CELF2: variants seen among roughly 807,000 people sequenced by gnomAD.
CELF2 encodes CUGBP Elav-like family member 2.
In CELF2, 8 loss-of-function variants were observed where a neutral mutation model predicts 62.6. The ratio of observed to expected loss-of-function variants is 0.13; its 90% CI spans 0.07 to 0.23. CELF2 has a LOEUF of 0.23. Ranked by LOEUF, CELF2 falls within the 10% of genes least tolerant of loss-of-function variation. The pLI is 1.00. For synonymous variants in CELF2, 258 were observed against 250.0 expected, an observed-to-expected ratio of 1.03 and a Z score of -0.30; for missense variants, 333 against 671.0, an observed-to-expected ratio of 0.50 and a Z score of 5.56.
chr10:11,124,216 C>T (rs139008920), intron 1 of CELF2, among the ~76,000 whole-genome samples: 1 of 152,056 alleles, frequency 6.6e-6, no homozygotes, highest in Non-Finnish European at 1.5e-5. Flanking sequence ...GGGACACAGC[C>T]AAATCATATC....
chr10:10,841,962 C>T (rs1356251062), intron 1 of CELF2, among the ~76,000 whole-genome samples: 6 of 152,036 alleles, frequency 3.9e-5, no homozygotes, highest in Non-Finnish European at 7.4e-5. Flanking sequence ...TCTTTGATTT[C>T]TCTCATCAGT....
At chr10:10,775,764 T>A in the CELF2 span, among the ~76,000 whole-genome samples, 1 of 152,298 alleles carries the variant, frequency 6.6e-6, no homozygotes, top group South Asian at 2.1e-4. Context: ...TGATTTATGG[T>A]AATAAAAACA....
chr10:11,009,923 A>C (rs2056128399), intron 1 of CELF2, among the ~76,000 whole-genome samples: 1 of 151,648 alleles, frequency 6.6e-6, no homozygotes, highest in Non-Finnish European at 1.5e-5. Context: ...TCAGTAGAAA[A>C]CTCTGTGTTG....
the CELF2 span, among the ~76,000 whole-genome samples, chr10:10,488,870 G>A: frequency 6.6e-6 from 1 of 152,028 alleles, no homozygotes; most frequent in African/African-American, 2.4e-5. Flanking sequence ...GCAAGAAGGA[G>A]CTTGGGATCA....
At chr10:10,640,160 T>A in the CELF2 span, among the ~76,000 whole-genome samples, 1 of 152,248 alleles carries the variant, frequency 6.6e-6, no homozygotes, top group Non-Finnish European at 1.5e-5. Context: ...TATGTATATA[T>A]CTGTCTCACC....
intron 9 of CELF2, among the ~76,000 whole-genome samples, chr10:11,310,078 A>G (rs577984543): frequency 2.0e-5 from 3 of 152,282 alleles, no homozygotes; most frequent in African/African-American, 7.2e-5. Context: ...AGATGGAGTG[A>G]ATGGGACCCA....
At chr10:10,583,187 A>G in the CELF2 span, among the ~76,000 whole-genome samples, 2 of 152,194 alleles carry the variant, frequency 1.3e-5, no homozygotes, top group African/African-American at 4.8e-5. Flanking sequence ...CTCTAGAATC[A>G]CCAAACCAAG....
At chr10:10,979,147 C>T (rs186260403) in intron 2 of CELF2, among the ~76,000 whole-genome samples, 1 of 152,100 alleles carries the variant, frequency 6.6e-6, no homozygotes, top group Non-Finnish European at 1.5e-5. Context: ...AGCCCAAGAA[C>T]AAGGAAAGAG....
chr10:10,545,676 G>A, the CELF2 span, among the ~76,000 whole-genome samples: 9 of 151,800 alleles, frequency 5.9e-5, no homozygotes, highest in African/African-American at 2.2e-4. Context: ...GTACACACAC[G>A]CACACTAAAA....
intron 2 of CELF2, among the ~76,000 whole-genome samples, chr10:10,926,192 G>A (rs925961464): frequency 6.6e-6 from 1 of 152,138 alleles, no homozygotes; most frequent in African/African-American, 2.4e-5. Context: ...CAATTCATGT[G>A]CTGGAAACCT....
chr10:11,167,128 A>G (rs548200133), intron 2 of CELF2, among the ~76,000 whole-genome samples: 1 of 152,386 alleles, frequency 6.6e-6, no homozygotes, highest in African/African-American at 2.4e-5. Context: ...TTTAAACTTC[A>G]CAAATGAGCG....
the CELF2 span, among the ~76,000 whole-genome samples, chr10:10,572,329 G>T: frequency 7.0e-6 from 1 of 142,852 alleles, no homozygotes; most frequent in African/African-American, 2.5e-5. Flanking sequence ...TGTTCGGTTG[G>T]TTTTTTCTTT....
rs1212149924 is a variant in CELF2 at position 11,270,828 on chromosome 10, A to G, written c.777+4A>G. 7.2e-7 allele frequency: 1 copy of G among 1,380,034 alleles called. No individual in the cohort carries two copies. The highest frequency in any genetic ancestry group is 2.7e-5 in the East Asian group (1 of 36,570). 85.5% of individuals were successfully genotyped at this position (1,380,034 alleles called of 1,614,324 possible). A position where few individuals can be genotyped will look rare whatever the true frequency, so the allele number is the denominator to read the frequency against. ...ACTGACCCCACAGTATCTGGCGGTA[A>G]GTGCTGGGCAATGCCGGCGTGGTCT... On this transcript the variant is annotated splice_donor_region_variant and intron_variant, in intron 7 of 12. Coordinates refer to ENST00000633077, the MANE Select transcript of CELF2 (RefSeq NM_001326342.2). The surrounding 1 kb of genome is among the most constrained non-coding windows in gnomAD (Gnocchi z 5.8).
chr10:10,805,800 A>G (rs181819546), intron 1 of CELF2, among the ~76,000 whole-genome samples: 2 of 152,256 alleles, frequency 1.3e-5, no homozygotes, highest in Admixed American at 6.5e-5. Context: ...GACAGTGTAC[A>G]TTGCTTTGAA....
intron 1 of CELF2, among the ~76,000 whole-genome samples, chr10:11,154,757 A>G (rs553096948): frequency 6.6e-6 from 1 of 152,222 alleles, no homozygotes; most frequent in Non-Finnish European, 1.5e-5. Context: ...AGAAAGAACT[A>G]AAGTTTACTT....
At position 11,336,430 on chromosome 10, in the gene CELF2, C is replaced by T. The variant is rs2096119852; in HGVS notation, c.*7377C>T. ...ATGATATCTTAACAAAATCTATGCA[C>T]TTGCTATCAGGAACACAATACTGGA... On this transcript the variant is annotated 3_prime_UTR_variant, in exon 13 of 13. Coordinates refer to ENST00000633077, the MANE Select transcript of CELF2 (RefSeq NM_001326342.2). This position sits in a 1 kb window ranked among gnomAD's most constrained non-coding sequence, Gnocchi z 5.4. 6.6e-6 allele frequency: 1 copy of T among 152,610 alleles called. No individual in the cohort carries two copies. The highest frequency in any genetic ancestry group is 2.4e-5 in the African/African-American group (1 of 41,424). The allele number at this position is 152,610 out of a possible 1,614,324, so 9.5% of individuals were successfully genotyped here. A position where few individuals can be genotyped will look rare whatever the true frequency, so the allele number is the denominator to read the frequency against.
the CELF2 span, among the ~76,000 whole-genome samples, chr10:10,686,310 T>TTTGGGGG: frequency 1.4e-5 from 1 of 69,756 alleles, no homozygotes; most frequent in African/African-American, 4.8e-5. Flanking sequence ...TTGGATTTTT[T>TTTGGGGG]GGGGGGGGGG....
At chr10:10,611,944 T>A in the CELF2 span, among the ~76,000 whole-genome samples, 3 of 152,198 alleles carry the variant, frequency 2.0e-5, no homozygotes, top group Non-Finnish European at 4.4e-5. Context: ...TGTCTAAACA[T>A]TTAACAAGAC....
At chr10:10,790,431 T>C in the CELF2 span, among the ~76,000 whole-genome samples, 65 of 152,248 alleles carry the variant, frequency 4.3e-4, no homozygotes, top group African/African-American at 1.5e-3. Context: ...AATGCTTGCA[T>C]AGTTTCTGTT....
Sources: allele counts gnomAD v4.1 joint callset (sites outside exome capture counted in the v4.1 genomes callset), GRCh38; gene constraint gnomAD v4.1.1; non-coding constraint Gnocchi (gnomAD v3.1); transcripts MANE v1.5; gene names NCBI Gene and HGNC (gene_info 2026-07-23, HGNC 2026-07-21).